Variants in GPR137C observed in about 807,000 individuals in gnomAD.
GPR137C encodes the protein integral membrane protein GPR137C.
Under a neutral mutation model 43.4 loss-of-function variants are expected in GPR137C, and 27 were observed. The ratio of observed to expected loss-of-function variants is 0.62; its 90% CI spans 0.46 to 0.86. GPR137C has a LOEUF of 0.86. GPR137C is among the 40% of genes least tolerant of loss of function. GPR137C has a pLI of 0.00. For missense variants in GPR137C, 522 were observed against 534.6 expected, an observed-to-expected ratio of 0.98 and a Z score of 0.23; for synonymous variants, 285 against 226.9, an observed-to-expected ratio of 1.26 and a Z score of -2.30.
intron 3 of GPR137C, among the ~76,000 whole-genome samples, chr14:52,625,349 G>A (rs1173720943): frequency 6.6e-6 from 1 of 151,510 alleles, no homozygotes; most frequent in South Asian, 2.1e-4. Context: ...AGGCGTGGTG[G>A]CGCGCACCTG....
rs1402775347 is a variant in GPR137C at position 52,576,566 on chromosome 14, AAGAGAT to A, written c.445-21700_445-21695del. ...TTGTTTTTCCATTAAGTTGTACTGA[AAGAGAT>A]AGAGAGCAACGTAATAATACTGGAG... On this transcript the variant is annotated intron_variant, in intron 1 of 6. Transcript: ENST00000321662. Among the ~76,000 whole-genome samples the A allele has an allele frequency of 7.9e-5, 12 of 152,306 alleles. No homozygotes were observed. The East Asian group carries it at 2.3e-3, about 29-fold the overall frequency.
At chr14:52,574,073 A>G (rs941636320) in intron 1 of GPR137C, among the ~76,000 whole-genome samples, 1 of 152,156 alleles carries the variant, frequency 6.6e-6, no homozygotes, top group Non-Finnish European at 1.5e-5. Flanking sequence ...GAAACAACAG[A>G]TGCTGGAGAG....
rs78033192 is a variant in GPR137C, at chr14:52,582,060, T to C, written c.445-16212T>C. ...ATAAAATATCATAAACTGGGTAGTT[T>C]ATAAGAAAACAAATTTATTTCTCAC... On this transcript the variant is annotated intron_variant, in intron 1 of 6. Transcript: ENST00000321662. Among the ~76,000 whole-genome samples the C allele has an allele frequency of 6.3e-3, 957 of 152,290 alleles. 11 individuals are homozygous for C. The highest frequency in any genetic ancestry group is 0.02 in the African/African-American group (848 of 41,542).
Position 52,600,248 on chromosome 14 carries a change from T to C in GPR137C, c.624T>C (p.Asn208=). ...KWTVFVRALI[N]DSLFILCAIS... ...CTGTGTTTGTTCGAGCATTAATTAATGATAGCCTGTTTATTCTTTGTGCCA... is the reference window on the plus strand; with the variant it reads ...CTGTGTTTGTTCGAGCATTAATTAACGATAGCCTGTTTATTCTTTGTGCCA... Residue 208 remains asparagine, a synonymous_variant, in exon 3 of 7, where the codon AAT becomes AAC. Transcript: ENST00000321662. The C allele has an allele frequency of 2.5e-6, 4 of 1,613,684 alleles. No individual in the cohort carries two copies. The highest frequency in any genetic ancestry group is 3.4e-6 in the Non-Finnish European group (4 of 1,179,616).
chr14:52,580,361 GA>G (rs145239739), intron 1 of GPR137C, among the ~76,000 whole-genome samples: 6 of 150,464 alleles, frequency 4.0e-5, no homozygotes, highest in Admixed American at 2.0e-4. Flanking sequence ...GAGACTAAAA[GA>G]AAAAAAAATT....
chr14:52,597,407 G>C (rs964620814), intron 1 of GPR137C, among the ~76,000 whole-genome samples: 2 of 152,174 alleles, frequency 1.3e-5, no homozygotes, highest in African/African-American at 2.4e-5. Flanking sequence ...AAATCAGTGA[G>C]TTACCATGTA....
At chr14:52,565,421 T>A (rs944551580) in intron 1 of GPR137C, among the ~76,000 whole-genome samples, 2 of 152,198 alleles carry the variant, frequency 1.3e-5, no homozygotes, top group Non-Finnish European at 2.9e-5. Flanking sequence ...TTATACCTTA[T>A]GGAAAAATTA....
intron 1 of GPR137C, among the ~76,000 whole-genome samples, chr14:52,558,797 A>G (rs544584378): frequency 6.6e-6 from 1 of 152,356 alleles, no homozygotes; most frequent in Admixed American, 6.5e-5. Context: ...ATGGATGGTT[A>G]AACAGATTAA....
chr14:52,589,959 C>T (rs2038760800), intron 1 of GPR137C, among the ~76,000 whole-genome samples: 1 of 152,064 alleles, frequency 6.6e-6, no homozygotes, highest in Non-Finnish European at 1.5e-5. Flanking sequence ...TATGTATTTA[C>T]TATTATTTTA....
Position 52,637,035 on chromosome 14 carries a change from C to G in GPR137C, c.*1920C>G, listed in dbSNP as rs544362044. 1 of 152,070 alleles carries G rather than the reference C, an allele frequency of 6.6e-6. No individual in the cohort carries two copies. Among genetic ancestry groups the G allele is most frequent in the African/African-American group, 2.4e-5 (1 of 41,424 alleles). 9.4% of individuals were successfully genotyped at this position (152,070 alleles called of 1,614,324 possible). ...TAGTAAGGCTCCCCTCGATAATGTT[C>G]CTATTTGACCAAACTAACAAAGATT... On this transcript the variant is annotated 3_prime_UTR_variant, in exon 7 of 7. Transcript: ENST00000321662.
At chr14:52,577,516 G>GCGCGCACACACACACACACA (rs369713179) in intron 1 of GPR137C, among the ~76,000 whole-genome samples, 64 of 145,508 alleles carry the variant, frequency 4.4e-4, no homozygotes, top group Non-Finnish European at 6.9e-4. Context: ...GCGCGCGCGC[G>GCGCGCACACACACACACACA]CACACACACA....
intron 3 of GPR137C, among the ~76,000 whole-genome samples, chr14:52,604,347 C>T (rs1004495920): frequency 6.6e-6 from 1 of 152,070 alleles, no homozygotes; most frequent in African/African-American, 2.4e-5. Flanking sequence ...GATGAAGGTC[C>T]TGGAGCATTT....
chr14:52,568,520 C>G (rs1566604183), intron 1 of GPR137C, among the ~76,000 whole-genome samples: 1 of 152,212 alleles, frequency 6.6e-6, no homozygotes, highest in Non-Finnish European at 1.5e-5. Context: ...GTGGATCCCA[C>G]TCCCATGGAG....
chr14:52,589,932 T>A (rs113417295), intron 1 of GPR137C, among the ~76,000 whole-genome samples: 14 of 152,240 alleles, frequency 9.2e-5, no homozygotes, highest in African/African-American at 3.4e-4. Context: ...GGATAATAAA[T>A]GATTATGTTA....
chr14:52,596,771 G>T, intron 1 of GPR137C: 1 of 367,968 alleles, frequency 2.7e-6, no homozygotes, highest in South Asian at 2.0e-5. Flanking sequence ...CCAACCCCTT[G>T]TGCTTCCCAG....
At chr14:52,634,517 C>T (rs1446028319) in intron 6 of GPR137C, among the ~76,000 whole-genome samples, 3 of 152,058 alleles carry the variant, frequency 2.0e-5, no homozygotes, top group African/African-American at 7.2e-5. Context: ...GTTATATAAC[C>T]TCAGTTTTTT....
chr14:52,598,727 AT>A (rs2038887953), intron 2 of GPR137C, among the ~76,000 whole-genome samples: 1 of 152,170 alleles, frequency 6.6e-6, no homozygotes, highest in African/African-American at 2.4e-5. Flanking sequence ...GAGTCAGGAG[AT>A]TGGGGTTTCC....
intron 3 of GPR137C, among the ~76,000 whole-genome samples, chr14:52,604,450 T>G (rs547319756): frequency 6.6e-6 from 1 of 152,024 alleles, no homozygotes; most frequent in Non-Finnish European, 1.5e-5. Flanking sequence ...GGGGCTTTTT[T>G]TTTTTTCTTG....
At chr14:52,563,822 C>T (rs1343149282) in intron 1 of GPR137C, among the ~76,000 whole-genome samples, 1 of 152,128 alleles carries the variant, frequency 6.6e-6, no homozygotes, top group Non-Finnish European at 1.5e-5. Context: ...CTCTTAAGTC[C>T]ATTCACTTCT....
Sources: allele counts gnomAD v4.1 joint callset (sites outside exome capture counted in the v4.1 genomes callset), GRCh38; gene constraint gnomAD v4.1.1; transcripts MANE v1.5; gene names NCBI Gene and HGNC (gene_info 2026-07-23, HGNC 2026-07-21).